The following RIMS4 variants were observed in gnomAD, a reference collection of about 807,000 sequenced individuals.
RIMS4 encodes regulating synaptic membrane exocytosis protein 4.
RIMS4 carries 9 observed loss-of-function variants against 29.0 expected under a neutral mutation model. That is an observed-to-expected ratio of 0.31 (90% confidence interval 0.19 to 0.54). RIMS4 has a LOEUF of 0.54. RIMS4 is among the 20% of genes least tolerant of loss of function. RIMS4 has a pLI of 0.94. For missense variants in RIMS4, 193 were observed against 365.7 expected (o/e 0.53, Z 3.85); for synonymous variants, 130 against 152.9 (o/e 0.85, Z 1.10).
In RIMS4 at chr20:44,756,200, G is replaced by A. The variant is rs1246830483; in HGVS notation, c.744C>T (p.Pro248=). ...TSSMVDPATG[P]LLRQASQLSL... is the part of the protein sequence containing the mutation. ...ACAACTGGGATGCCTGCCGGAGCAG[G>A]GGGCCTGTGGCTGGGTCCACCATGG... The change falls in exon 6 of 6, where the codon CCC becomes CCT. Residue 248 remains proline (P), a synonymous_variant. Transcript: ENST00000372851. The surrounding 1 kb of genome is among the most constrained non-coding windows in gnomAD (Gnocchi z 5.9). 1 of 1,613,932 alleles carries A rather than the reference G, an allele frequency of 6.2e-7. No homozygotes were observed. Among genetic ancestry groups the A allele is most frequent in the Admixed American group, 1.7e-5 (1 of 60,008 alleles).
At position 44,756,059 on chromosome 20, in the gene RIMS4, C is replaced by G; in HGVS notation, c.*75G>C. The G allele has an allele frequency of 8.6e-7, 1 of 1,159,608 alleles. No homozygotes were observed. Among genetic ancestry groups the G allele is most frequent in the Non-Finnish European group, 1.2e-6 (1 of 802,002 alleles). The allele number at this position is 1,159,608 out of a possible 1,614,324, so 71.8% of individuals were successfully genotyped here. ...GAGCCCCGTCCTCCTGTTCAATGTGCCCCTGGGCCTGGGGTCCCAGGTCAG... is the reference window on the plus strand; with the variant it reads ...GAGCCCCGTCCTCCTGTTCAATGTGGCCCTGGGCCTGGGGTCCCAGGTCAG... On this transcript the variant is annotated 3_prime_UTR_variant, in exon 6 of 6. Transcript: ENST00000372851. The surrounding 1 kb of genome is among the most constrained non-coding windows in gnomAD (Gnocchi z 5.9).
At chr20:44,764,197 T>C (rs1250362758) in intron 2 of RIMS4, among the ~76,000 whole-genome samples, 7 of 63,934 alleles carry the variant, frequency 1.1e-4, no homozygotes, top group African/African-American at 3.9e-4. Context: ...CATTTATCCA[T>C]CCATCCATCC....
At chr20:44,783,343 C>T (rs1177700232) in intron 1 of RIMS4, among the ~76,000 whole-genome samples, 1 of 152,142 alleles carries the variant, frequency 6.6e-6, no homozygotes, top group Non-Finnish European at 1.5e-5. Context: ...CAGTACTGGG[C>T]CGGGCATGGT....
At chr20:44,765,253 G>C (rs567854521) in intron 2 of RIMS4, among the ~76,000 whole-genome samples, 1 of 152,244 alleles carries the variant, frequency 6.6e-6, no homozygotes, top group South Asian at 2.1e-4. Context: ...GGGGACCTCA[G>C]CCTTGCCCAG....
chr20:44,767,392 T>C (rs1215343756), intron 2 of RIMS4, among the ~76,000 whole-genome samples: 1 of 152,026 alleles, frequency 6.6e-6, no homozygotes, highest in Non-Finnish European at 1.5e-5. Context: ...CCCACAGAGC[T>C]CCAATTTCTG....
chr20:44,773,083 A>G (rs2066144099), intron 1 of RIMS4, among the ~76,000 whole-genome samples: 1 of 152,114 alleles, frequency 6.6e-6, no homozygotes, highest in African/African-American at 2.4e-5. Context: ...ACACAGCAAC[A>G]CACACACACA....
intron 1 of RIMS4, among the ~76,000 whole-genome samples, chr20:44,787,956 T>C (rs2066216160): frequency 6.6e-6 from 1 of 152,272 alleles, no homozygotes; most frequent in Non-Finnish European, 1.5e-5. Flanking sequence ...AACCTCATTT[T>C]AGTCCTGTGA....
chr20:44,769,505 A>T (rs2066127727), intron 2 of RIMS4, among the ~76,000 whole-genome samples: 1 of 151,790 alleles, frequency 6.6e-6, no homozygotes, highest in Non-Finnish European at 1.5e-5. Flanking sequence ...GAGCTTCCTG[A>T]CTCCCTGAGA....
At chr20:44,783,907 C>T (rs562731033) in intron 1 of RIMS4, among the ~76,000 whole-genome samples, 3 of 152,298 alleles carry the variant, frequency 2.0e-5, no homozygotes, top group Non-Finnish European at 2.9e-5. Flanking sequence ...GGTTGCACAA[C>T]TCTGTGAATA....
intron 1 of RIMS4, among the ~76,000 whole-genome samples, chr20:44,792,500 C>T (rs1192513534): frequency 1.3e-5 from 2 of 152,030 alleles, no homozygotes; most frequent in African/African-American, 4.8e-5. Flanking sequence ...CCATGTTGGT[C>T]AGGCTGGTCT....
At chr20:44,773,193 G>C (rs2066144439) in intron 1 of RIMS4, among the ~76,000 whole-genome samples, 1 of 152,152 alleles carries the variant, frequency 6.6e-6, no homozygotes, top group Non-Finnish European at 1.5e-5. Flanking sequence ...TAAGTGGGTA[G>C]GTGTATACAC....
chr20:44,799,466 A>G (rs1018751542), intron 1 of RIMS4, among the ~76,000 whole-genome samples: 4 of 152,114 alleles, frequency 2.6e-5, no homozygotes, highest in Admixed American at 2.0e-4. Context: ...TGGCTCGGCC[A>G]GGGCTTGGAT....
chr20:44,788,115 C>T (rs971321058), intron 1 of RIMS4, among the ~76,000 whole-genome samples: 9 of 152,230 alleles, frequency 5.9e-5, no homozygotes, highest in Non-Finnish European at 1.3e-4. Context: ...CTATTCCAGA[C>T]ATTCTCTTCT....
intron 1 of RIMS4, among the ~76,000 whole-genome samples, chr20:44,778,403 C>T (rs932650291): frequency 6.6e-6 from 1 of 152,226 alleles, no homozygotes; most frequent in Admixed American, 6.5e-5. Context: ...AGGCTGGGTA[C>T]AGTGGCTCAT....
At chr20:44,762,940 C>T (rs2066092535) in intron 2 of RIMS4, among the ~76,000 whole-genome samples, 1 of 152,252 alleles carries the variant, frequency 6.6e-6, no homozygotes, top group African/African-American at 2.4e-5. Flanking sequence ...TGAAATCACA[C>T]TGCCTCATGG....
At chr20:44,771,006 G>T (rs2066134853) in intron 2 of RIMS4, among the ~76,000 whole-genome samples, 1 of 152,198 alleles carries the variant, frequency 6.6e-6, no homozygotes, top group Non-Finnish European at 1.5e-5. Flanking sequence ...TACAGATGAG[G>T]AAACTGTGGC....
chr20:44,758,272 A>AGG, intron 2 of RIMS4, 88 bp from the exon 3 acceptor site: 4 of 859,252 alleles, frequency 4.7e-6, no homozygotes, highest in Non-Finnish European at 7.3e-6. Flanking sequence ...CATGCAATGG[A>AGG]TATGCTGAAA....
intron 2 of RIMS4, among the ~76,000 whole-genome samples, chr20:44,768,221 T>C (rs1039185351): frequency 6.6e-6 from 1 of 152,242 alleles, no homozygotes; most frequent in Non-Finnish European, 1.5e-5. Context: ...TGGAAGCTCA[T>C]GGAGGACAAG....
chr20:44,773,908 G>A (rs1232497429), intron 1 of RIMS4, among the ~76,000 whole-genome samples: 1 of 152,110 alleles, frequency 6.6e-6, no homozygotes, highest in Admixed American at 6.5e-5. Flanking sequence ...CATAGTGCGG[G>A]CACAAAGTAG....
Sources: allele counts gnomAD v4.1 joint callset (sites outside exome capture counted in the v4.1 genomes callset), GRCh38; gene constraint gnomAD v4.1.1; non-coding constraint Gnocchi (gnomAD v3.1); transcripts MANE v1.5; gene names NCBI Gene and HGNC (gene_info 2026-07-23, HGNC 2026-07-21).